Variants in ARHGAP10 observed in about 807,000 individuals in gnomAD.
ARHGAP10 encodes the protein rho GTPase-activating protein 10.
A neutral mutation model predicts 108.6 loss-of-function variants in ARHGAP10; 87 were observed. That is an observed-to-expected ratio of 0.80 (90% CI 0.67 to 0.96). The LOEUF is 0.96. ARHGAP10 is among the 40% of genes least tolerant of loss of function. The pLI is 0.00. For missense variants in ARHGAP10, 939 were observed against 954.5 expected (o/e 0.98, Z 0.21); for synonymous variants, 347 against 341.1 (o/e 1.02, Z -0.19).
intron 19 of ARHGAP10, among the ~76,000 whole-genome samples, chr4:148,039,908 T>G (rs527752939): frequency 3.8e-4 from 58 of 152,328 alleles, no homozygotes; most frequent in Non-Finnish European, 7.3e-4. Flanking sequence ...ATTTCACTTC[T>G]ATTCTCTATA....
At chr4:148,042,911 TTCCC>T (rs894209793) in intron 19 of ARHGAP10, among the ~76,000 whole-genome samples, 2 of 152,178 alleles carry the variant, frequency 1.3e-5, no homozygotes, top group Non-Finnish European at 2.9e-5. Context: ...CAGATTTTTT[TTCCC>T]TCCTCAATTT....
intron 1 of ARHGAP10, among the ~76,000 whole-genome samples, chr4:147,757,994 C>A (rs896874588): frequency 1.3e-5 from 2 of 152,086 alleles, no homozygotes; most frequent in African/African-American, 4.8e-5. Flanking sequence ...CTTTGTGCAC[C>A]CCTATTGGTT....
chr4:147,984,649 C>A (rs1366265505), intron 18 of ARHGAP10, among the ~76,000 whole-genome samples: 2 of 152,180 alleles, frequency 1.3e-5, no homozygotes, highest in Non-Finnish European at 2.9e-5. Flanking sequence ...CCTGTAGGAC[C>A]AGGGGGCAGT....
chr4:147,937,275 C>T (rs750427169), intron 13 of ARHGAP10, among the ~76,000 whole-genome samples: 1 of 152,170 alleles, frequency 6.6e-6, no homozygotes, highest in Non-Finnish European at 1.5e-5. Flanking sequence ...CTCCCTGTGT[C>T]TTCTCATGGT....
chr4:148,037,338 G>A (rs1728425547), intron 19 of ARHGAP10, among the ~76,000 whole-genome samples: 1 of 152,164 alleles, frequency 6.6e-6, no homozygotes, highest in South Asian at 2.1e-4. Flanking sequence ...GGGTAGGGAG[G>A]AAGAGGCTGT....
chr4:147,853,115 G>A (rs939254265), intron 4 of ARHGAP10, among the ~76,000 whole-genome samples: 2 of 152,220 alleles, frequency 1.3e-5, no homozygotes, highest in African/African-American at 4.8e-5. Flanking sequence ...GCAGCTCAGA[G>A]TGCAAGGTGG....
Position 148,043,723 on chromosome 4 carries a change from C to CAT in ARHGAP10, c.1868-3160_1868-3159dup, listed in dbSNP as rs35862342. 5.2e-5 allele frequency among the ~76,000 whole-genome samples: 6 copies of CAT among 115,498 alleles called. No homozygotes were observed. In the South Asian group the frequency reaches 1.3e-3, roughly 24 times the overall value. The allele number at this position is 115,498 out of a possible 152,430, so 75.8% of individuals were successfully genotyped here. On this transcript the variant is annotated intron_variant, in intron 19 of 22. Coordinates refer to ENST00000336498, the MANE Select transcript of ARHGAP10 (RefSeq NM_024605.4). ...TAAGGAAAAATGTATATGCATTTTT[C>CAT]ATATATATATGTGTATATATATGTA...
chr4:147,909,670 C>T (rs977108282), intron 11 of ARHGAP10, 62 bp from the exon 12 acceptor site: 11 of 1,380,718 alleles, frequency 8.0e-6, no homozygotes, highest in African/African-American at 4.3e-5. Flanking sequence ...CTCAGTGTGC[C>T]TACTTGAATA....
intron 13 of ARHGAP10, among the ~76,000 whole-genome samples, chr4:147,923,529 A>G (rs1181147210): frequency 6.6e-6 from 1 of 152,218 alleles, no homozygotes; most frequent in Admixed American, 6.5e-5. Context: ...TAATTTGAAT[A>G]TTCACTTTAA....
intron 19 of ARHGAP10, among the ~76,000 whole-genome samples, chr4:148,025,526 T>C (rs879857566): frequency 3.3e-5 from 5 of 151,984 alleles, no homozygotes; most frequent in Non-Finnish European, 7.4e-5. Context: ...TGTGAAAAAA[T>C]AGTTATTTCA....
chr4:147,843,866 T>C (rs1043164429), intron 3 of ARHGAP10, among the ~76,000 whole-genome samples: 10 of 152,240 alleles, frequency 6.6e-5, no homozygotes, highest in African/African-American at 2.4e-4. Context: ...CCAGTTTCAT[T>C]GCCATCGTTT....
chr4:148,072,067 G>C lies in ARHGAP10; in HGVS notation c.2347G>C (p.Val783Leu). Residue 783 changes from valine (V) to leucine (L), a missense_variant, in exon 23 of 23, where the codon GTC (valine) becomes CTC (leucine). By Grantham distance (32) the Val-to-Leu change is conservative (BLOSUM62 1). Transcript: ENST00000336498. Reference protein sequence around the residue: ...GKRGLIPQNYVKLL With the variant: ...GKRGLIPQNYLKLL ...GAGGGGGCTGATTCCACAGAACTAC[G>C]TCAAGCTGCTGTAGCTCCTGGCCTC... 1 of 1,613,034 alleles carries C rather than the reference G, an allele frequency of 6.2e-7. No individual in the cohort carries two copies. Among genetic ancestry groups the C allele is most frequent in the Non-Finnish European group, 8.5e-7 (1 of 1,179,672 alleles).
At chr4:147,902,911 T>A (rs4835107) in intron 10 of ARHGAP10, among the ~76,000 whole-genome samples, 1 of 139,852 alleles carries the variant, frequency 7.2e-6, no homozygotes, top group Admixed American at 7.3e-5. Flanking sequence ...GAGAGAGAAG[T>A]GGGAGGGGAG....
intron 7 of ARHGAP10, among the ~76,000 whole-genome samples, chr4:147,870,002 G>C (rs56376203): frequency 0.034 from 4,146 of 120,460 alleles, 188 homozygotes; most frequent in African/African-American, 0.075. Flanking sequence ...CCCAGTTTGT[G>C]TGTGTGTGTG....
chr4:147,913,891 G>A (rs1041250135), intron 13 of ARHGAP10, among the ~76,000 whole-genome samples: 6 of 152,132 alleles, frequency 3.9e-5, no homozygotes, highest in African/African-American at 1.4e-4. Flanking sequence ...GGTGGCTCAC[G>A]CTGGTAATCC....
At chr4:148,034,323 T>G (rs1007480760) in intron 19 of ARHGAP10, among the ~76,000 whole-genome samples, 3 of 152,162 alleles carry the variant, frequency 2.0e-5, no homozygotes, top group Non-Finnish European at 4.4e-5. Flanking sequence ...TGGCAATTAC[T>G]TATTTATTTT....
chr4:147,732,508 G>C (rs1374735398), intron 1 of ARHGAP10, 53 bp downstream of exon 1: 3 of 1,601,046 alleles, frequency 1.9e-6, no homozygotes, highest in Non-Finnish European at 2.6e-6. Flanking sequence ...GCGGCTGGGG[G>C]AGCCTCTCTC....
intron 10 of ARHGAP10, among the ~76,000 whole-genome samples, chr4:147,895,774 T>C (rs1286152425): frequency 6.6e-6 from 1 of 152,170 alleles, no homozygotes; most frequent in Non-Finnish European, 1.5e-5. Flanking sequence ...TGCCTGAGAT[T>C]GCCTGTAAAA....
intron 20 of ARHGAP10, among the ~76,000 whole-genome samples, chr4:148,049,307 A>G (rs1729022156): frequency 6.6e-6 from 1 of 152,194 alleles, no homozygotes; most frequent in African/African-American, 2.4e-5. Flanking sequence ...ACGATGAATG[A>G]GCCTTGATAT....
Sources: allele counts gnomAD v4.1 joint callset (sites outside exome capture counted in the v4.1 genomes callset), GRCh38; gene constraint gnomAD v4.1.1; transcripts MANE v1.5; gene names NCBI Gene and HGNC (gene_info 2026-07-23, HGNC 2026-07-21).